PTPRK: variants seen among roughly 807,000 people sequenced by gnomAD.
PTPRK encodes receptor-type tyrosine-protein phosphatase kappa.
PTPRK carries 75 observed loss-of-function variants against 178.0 expected under a neutral mutation model. That is an observed-to-expected ratio of 0.42 (90% CI 0.35 to 0.51). PTPRK has a LOEUF of 0.51. Ranked by LOEUF, PTPRK falls within the 20% of genes least tolerant of loss-of-function variation. The pLI, the probability that PTPRK is intolerant of heterozygous loss-of-function variation, is 0.02. For synonymous variants in PTPRK, 637 were observed against 620.6 expected (o/e 1.03, Z -0.39); for missense variants, 1,441 against 1,797.8 (o/e 0.80, Z 3.59).
chr6:128,073,036 C>T (rs1261858828), intron 11 of PTPRK, among the ~76,000 whole-genome samples: 1 of 152,070 alleles, frequency 6.6e-6, no homozygotes, highest in Non-Finnish European at 1.5e-5. Context: ...GGCCGTAGCA[C>T]ATTACATGCA....
At chr6:128,278,506 C>T (rs374421161) in intron 3 of PTPRK, among the ~76,000 whole-genome samples, 86 of 152,114 alleles carry the variant, frequency 5.7e-4, no homozygotes, top group African/African-American at 2.0e-3. Flanking sequence ...AATCTCTCAC[C>T]CTCCACTTAT....
At chr6:128,365,782 A>C (rs1217338392) in intron 2 of PTPRK, among the ~76,000 whole-genome samples, 1 of 152,148 alleles carries the variant, frequency 6.6e-6, no homozygotes, top group Non-Finnish European at 1.5e-5. Context: ...GCAATGTTTA[A>C]GTTAAATCAG....
chr6:128,104,228 T>C (rs1265137435), intron 7 of PTPRK, among the ~76,000 whole-genome samples: 1 of 152,204 alleles, frequency 6.6e-6, no homozygotes, highest in Non-Finnish European at 1.5e-5. Context: ...ACATTCTGTC[T>C]TTCCTTTTCT....
At chr6:128,069,317 T>C (rs1397755204) in intron 11 of PTPRK, among the ~76,000 whole-genome samples, 1 of 152,170 alleles carries the variant, frequency 6.6e-6, no homozygotes, top group Non-Finnish European at 1.5e-5. Flanking sequence ...GTCTATGTTA[T>C]TTCAAATTAT....
intron 5 of PTPRK, among the ~76,000 whole-genome samples, chr6:128,227,102 CA>C (rs1040189104): frequency 4.6e-5 from 7 of 152,132 alleles, no homozygotes; most frequent in South Asian, 2.1e-4. Flanking sequence ...CTATGGAAGG[CA>C]AAGTTTTGGT....
At chr6:128,472,740 T>C (rs983923071) in intron 1 of PTPRK, 3 of 309,006 alleles carry the variant, frequency 9.7e-6, no homozygotes, top group Non-Finnish European at 1.3e-5. Context: ...AATCACAATA[T>C]TGATGCCAAA....
chr6:128,119,595 T>C (rs1259083567), intron 7 of PTPRK, among the ~76,000 whole-genome samples: 2 of 152,046 alleles, frequency 1.3e-5, no homozygotes, highest in Non-Finnish European at 2.9e-5. Context: ...GATAAAATAA[T>C]AGCTAAAAAA....
chr6:128,105,434 T>C (rs1359292220), intron 7 of PTPRK, among the ~76,000 whole-genome samples: 4 of 152,150 alleles, frequency 2.6e-5, no homozygotes, highest in Admixed American at 1.3e-4. Flanking sequence ...CACCCGGCCT[T>C]ACCTCACTTA....
intron 3 of PTPRK, among the ~76,000 whole-genome samples, chr6:128,259,582 A>C (rs1331654310): frequency 2.0e-5 from 3 of 152,088 alleles, no homozygotes; most frequent in Non-Finnish European, 4.4e-5. Flanking sequence ...GATTACTTTC[A>C]TTTTCTGTGT....
chr6:128,359,234 T>G (rs991490469), intron 2 of PTPRK, among the ~76,000 whole-genome samples: 8 of 150,274 alleles, frequency 5.3e-5, no homozygotes, highest in Admixed American at 4.6e-4. Context: ...GTGGATCACC[T>G]GAGGTCAGGA....
chr6:128,365,712 C>G (rs1835388075), intron 2 of PTPRK, among the ~76,000 whole-genome samples: 1 of 152,106 alleles, frequency 6.6e-6, no homozygotes, highest in Non-Finnish European at 1.5e-5. Flanking sequence ...TTTTAGAACA[C>G]AGAGAACAGG....
intron 7 of PTPRK, among the ~76,000 whole-genome samples, chr6:128,159,003 C>T (rs1024949930): frequency 9.2e-5 from 14 of 151,766 alleles, no homozygotes; most frequent in African/African-American, 3.4e-4. Flanking sequence ...GGTCAAAAAT[C>T]CTTCACTTAA....
At chr6:128,339,839 A>T (rs745780544) in intron 2 of PTPRK, among the ~76,000 whole-genome samples, 7 of 152,206 alleles carry the variant, frequency 4.6e-5, no homozygotes, top group Non-Finnish European at 1.0e-4. Flanking sequence ...CACAAGGGAC[A>T]TCAATAATAC....
intron 7 of PTPRK, among the ~76,000 whole-genome samples, chr6:128,124,786 C>A (rs1466135040): frequency 6.6e-6 from 1 of 152,306 alleles, no homozygotes; most frequent in Admixed American, 6.5e-5. Flanking sequence ...AAAAGACCAG[C>A]CTCCGGGAGG....
rs1009034250 is a variant in PTPRK, at chr6:128,471,616, A to C, written c.100+48643T>G. On this transcript the variant is annotated intron_variant, in intron 1 of 29. Coordinates refer to ENST00000368226, the MANE Select transcript of PTPRK (RefSeq NM_002844.4). ...ATACAAAACAACCTAAAAAAAAAAA[A>C]AAAAAAAAAACTCACAACAAAAGCA... Among the ~76,000 whole-genome samples, 15 of 150,436 alleles carry C rather than the reference A, an allele frequency of 1.0e-4. 1 individual carries two copies. The highest frequency in any genetic ancestry group is 1.5e-5 in the Non-Finnish European group (1 of 67,636).
At chr6:128,359,489 C>T (rs1477220615) in intron 2 of PTPRK, among the ~76,000 whole-genome samples, 11 of 152,156 alleles carry the variant, frequency 7.2e-5, no homozygotes, top group Non-Finnish European at 1.3e-4. Flanking sequence ...CAGTGGCTCA[C>T]GCCTGTAATC....
chr6:127,989,255 A>G (rs1776317884), intron 21 of PTPRK, among the ~76,000 whole-genome samples: 3 of 152,096 alleles, frequency 2.0e-5, no homozygotes, highest in Admixed American at 2.0e-4. Flanking sequence ...TCATTAAATC[A>G]AGCTTAATGG....
chr6:128,182,405 T>A (rs62427867), intron 7 of PTPRK, among the ~76,000 whole-genome samples: 1 of 152,006 alleles, frequency 6.6e-6, no homozygotes, highest in African/African-American at 2.4e-5. Flanking sequence ...GTGAAACCCA[T>A]CTCTACAAAA....
At chr6:128,137,328 T>C (rs946730949) in intron 7 of PTPRK, among the ~76,000 whole-genome samples, 3 of 152,142 alleles carry the variant, frequency 2.0e-5, no homozygotes. Flanking sequence ...AAGCCACCAA[T>C]TGCACTTGAA....
Sources: gnomAD v4.1 joint callset for allele counts (sites outside exome capture counted in the v4.1 genomes callset) on GRCh38, gnomAD v4.1.1 for gene constraint, MANE v1.5 for transcripts, NCBI Gene and HGNC (gene_info 2026-07-23, HGNC 2026-07-21) for gene names.